Variants in ALG5 observed in about 807,000 individuals in gnomAD.
ALG5 encodes the protein dolichyl-phosphate beta-glucosyltransferase.
In ALG5, 26 loss-of-function variants were observed where a neutral mutation model predicts 51.8. The ratio of observed to expected loss-of-function variants is 0.50; its 90% CI spans 0.37 to 0.70. ALG5 has a LOEUF of 0.70. Ranked by LOEUF, ALG5 falls within the 30% of genes least tolerant of loss-of-function variation. ALG5 has a pLI of 0.00. For synonymous variants in ALG5, 141 were observed against 136.1 expected, an observed-to-expected ratio of 1.04 and a Z score of -0.25; for missense variants, 311 against 399.3, an observed-to-expected ratio of 0.78 and a Z score of 1.88.
intron 8 of ALG5, among the ~76,000 whole-genome samples, chr13:36,959,116 C>T (rs888159012): frequency 1.6e-4 from 25 of 152,194 alleles, no homozygotes; most frequent in African/African-American, 5.8e-4. Context: ...TCCAGAAAGA[C>T]AAATGTTGCA....
chr13:36,965,750 A>G lies in ALG5; in HGVS notation c.622-24T>C, dbSNP rs201140449. On this transcript the variant is annotated intron_variant, in intron 7 of 9. Transcript: ENST00000239891. ...CGCTGAAAACAAAGACAAAATATAA[A>G]TGACTTTTCCATTCATCTGTAAAGG... 1.2e-4 allele frequency: 189 copies of G among 1,599,944 alleles called. No homozygotes were observed. In the East Asian group the frequency reaches 3.9e-3, roughly 33 times the overall value.
intron 1 of ALG5, 58 bp downstream of exon 1, chr13:36,999,177 G>A: frequency 3.5e-6 from 5 of 1,419,356 alleles, no homozygotes; most frequent in Admixed American, 2.6e-5. Context: ...CTGAGGAGCC[G>A]CAGTCTCCAG....
intron 6 of ALG5, among the ~76,000 whole-genome samples, chr13:36,973,249 A>G (rs1419704362): frequency 6.6e-6 from 1 of 152,200 alleles, no homozygotes; most frequent in Non-Finnish European, 1.5e-5. Flanking sequence ...AGCTACAATA[A>G]TTCAAACTAA....
intron 6 of ALG5, among the ~76,000 whole-genome samples, chr13:36,983,746 T>A (rs1017603634): frequency 6.6e-6 from 1 of 151,916 alleles, no homozygotes; most frequent in Middle Eastern, 3.2e-3. Flanking sequence ...TTATATTAGT[T>A]GATTCACTTA....
chr13:36,971,077 C>T (rs1026858158), intron 7 of ALG5, among the ~76,000 whole-genome samples: 6 of 152,126 alleles, frequency 3.9e-5, no homozygotes, highest in African/African-American at 1.4e-4. Context: ...TTTTATTCTA[C>T]TGGTTCTCAA....
At chr13:36,990,034 C>G (rs2059019097) in intron 4 of ALG5, among the ~76,000 whole-genome samples, 1 of 152,172 alleles carries the variant, frequency 6.6e-6, no homozygotes, top group Admixed American at 6.5e-5. Context: ...GACCATTTCT[C>G]CCGAATCTTT....
At chr13:36,971,722 A>G (rs1312691219) in intron 7 of ALG5, among the ~76,000 whole-genome samples, 2 of 151,994 alleles carry the variant, frequency 1.3e-5, no homozygotes, top group African/African-American at 4.8e-5. Flanking sequence ...TATCTTAAAA[A>G]TATATTAAAA....
At chr13:36,969,058 T>C (rs1196152582) in intron 7 of ALG5, among the ~76,000 whole-genome samples, 1 of 152,180 alleles carries the variant, frequency 6.6e-6, no homozygotes, top group African/African-American at 2.4e-5. Flanking sequence ...GCTGAAAGAA[T>C]GGATGGATGG....
chr13:36,961,199 T>C (rs2058865143), intron 8 of ALG5, among the ~76,000 whole-genome samples: 1 of 152,096 alleles, frequency 6.6e-6, no homozygotes, highest in African/African-American at 2.4e-5. Flanking sequence ...GAGGATCACG[T>C]GAGCTCAGGA....
chr13:36,983,273 C>T (rs2058987616), intron 6 of ALG5, among the ~76,000 whole-genome samples: 1 of 152,142 alleles, frequency 6.6e-6, no homozygotes, highest in Non-Finnish European at 1.5e-5. Context: ...TTGGGGTCCT[C>T]TGGAGAAAAT....
chr13:36,992,322 A>T (rs1388415946), intron 4 of ALG5, among the ~76,000 whole-genome samples: 1 of 152,196 alleles, frequency 6.6e-6, no homozygotes, highest in Non-Finnish European at 1.5e-5. Flanking sequence ...CAGCTGAAGA[A>T]ATGTGTTCAA....
chr13:36,995,325 C>T (rs1026140289), intron 2 of ALG5, 100 bp downstream of exon 2: 2 of 1,249,728 alleles, frequency 1.6e-6, no homozygotes, highest in African/African-American at 3.0e-5. Flanking sequence ...ACACAGCCCA[C>T]ATCTATTAAT....
At chr13:36,987,645 C>T (rs1412981510) in intron 5 of ALG5, among the ~76,000 whole-genome samples, 2 of 152,150 alleles carry the variant, frequency 1.3e-5, no homozygotes, top group Admixed American at 6.5e-5. Flanking sequence ...CATGCAGAAC[C>T]GTCAATCAAT....
chr13:36,994,928 C>T, intron 3 of ALG5, 61 bp downstream of exon 3: 2 of 1,486,160 alleles, frequency 1.3e-6, no homozygotes, highest in African/African-American at 1.4e-5. Flanking sequence ...TTGGGGTCCA[C>T]AATTGGTGAC....
chr13:36,975,167 C>T (rs1269460525), intron 6 of ALG5, among the ~76,000 whole-genome samples: 1 of 152,158 alleles, frequency 6.6e-6, no homozygotes, highest in East Asian at 1.9e-4. Context: ...GCCAAGATTG[C>T]ACCATTGCAT....
At chr13:36,966,951 G>A (rs755919122) in intron 7 of ALG5, among the ~76,000 whole-genome samples, 33 of 152,046 alleles carry the variant, frequency 2.2e-4, no homozygotes, top group African/African-American at 5.8e-4. Context: ...GGCGAGGTGC[G>A]GTGGCTCACA....
intron 4 of ALG5, among the ~76,000 whole-genome samples, chr13:36,991,409 G>C (rs1363037573): frequency 6.6e-6 from 1 of 152,216 alleles, no homozygotes; most frequent in Admixed American, 6.5e-5. Context: ...TAAAGGCAAA[G>C]ATTTTTATTT....
chr13:36,967,248 AAAG>A (rs1409311176), intron 7 of ALG5, among the ~76,000 whole-genome samples: 8 of 151,776 alleles, frequency 5.3e-5, no homozygotes, highest in Admixed American at 4.6e-4. Flanking sequence ...GAAAAAAAGA[AAAG>A]AAAAGAAAAA....
At chr13:36,999,070 G>A in intron 1 of ALG5, 165 bp downstream of exon 1, 1 of 478,238 alleles carries the variant, frequency 2.1e-6, no homozygotes, top group South Asian at 5.9e-5. Flanking sequence ...CGAAGAAAAG[G>A]AGAGTGAAAC....
Sources: allele counts gnomAD v4.1 joint callset (sites outside exome capture counted in the v4.1 genomes callset), GRCh38; gene constraint gnomAD v4.1.1; transcripts MANE v1.5; gene names NCBI Gene and HGNC (gene_info 2026-07-23, HGNC 2026-07-21).